Variants in ARHGEF10 observed in about 807,000 individuals in gnomAD.
The protein encoded by ARHGEF10 is Rho guanine nucleotide exchange factor (GEF) 10.
ARHGEF10 carries 140 observed loss-of-function variants against 147.4 expected under a neutral mutation model. The observed-to-expected ratio is 0.95, with a 90% CI of 0.83 to 1.09. The LOEUF (loss-of-function observed/expected upper bound fraction) is 1.09, where lower values mean the gene tolerates loss of function less well. Among genes scored for constraint, ARHGEF10 ranks in the 50% least tolerant of loss-of-function variants. The pLI is 0.00. For missense variants in ARHGEF10, 2,222 were observed against 1,752.7 expected, an observed-to-expected ratio of 1.27 and a Z score of -4.78; for synonymous variants, 902 against 695.8, an observed-to-expected ratio of 1.30 and a Z score of -4.67.
chr8:1,827,629 G>A (rs1189597084), intron 1 of ARHGEF10, among the ~76,000 whole-genome samples: 2 of 152,150 alleles, frequency 1.3e-5, no homozygotes, highest in Non-Finnish European at 1.5e-5. Context: ...TTTAAATCGT[G>A]GATTTTTCCT....
chr8:1,899,449 A>C lies in ARHGEF10; in HGVS notation c.1650+924A>C, dbSNP rs547174217. ...GATGAACTGGTGGAGTCATCGCCAG[A>C]AATGAACTGGCGCCTGGGAAATAGT... On this transcript the variant is annotated intron_variant, in intron 15 of 28. Coordinates refer to ENST00000349830, the MANE Select transcript of ARHGEF10 (RefSeq NM_014629.4). 2.0e-5 allele frequency among the ~76,000 whole-genome samples: 3 copies of C among 152,368 alleles called. No individual in the cohort carries two copies. The South Asian group carries it at 6.2e-4, about 32-fold the overall frequency.
intron 18 of ARHGEF10, among the ~76,000 whole-genome samples, chr8:1,922,222 C>T (rs1291410520): frequency 4.0e-5 from 6 of 151,338 alleles, no homozygotes; most frequent in Admixed American, 3.3e-4. Context: ...GGACACGCGT[C>T]GTTCCTCTAA....
intron 22 of ARHGEF10, 86 bp from the exon 23 acceptor site, chr8:1,926,291 G>T: frequency 9.3e-7 from 1 of 1,072,862 alleles, no homozygotes; most frequent in Non-Finnish European, 1.5e-6. Context: ...TACATTGGAA[G>T]TAAGTCATCC....
intron 28 of ARHGEF10, among the ~76,000 whole-genome samples, chr8:1,955,791 A>T (rs796655675): frequency 6.6e-6 from 1 of 152,250 alleles, no homozygotes; most frequent in Non-Finnish European, 1.5e-5. Context: ...CTCTGCTGAC[A>T]TGGGCAGAAG....
At chr8:1,863,572 T>C (rs1056787197) in intron 4 of ARHGEF10, among the ~76,000 whole-genome samples, 3 of 152,086 alleles carry the variant, frequency 2.0e-5, no homozygotes, top group Admixed American at 2.0e-4. Context: ...GGCTGGGCGG[T>C]GGCAGATTCG....
intron 28 of ARHGEF10, among the ~76,000 whole-genome samples, chr8:1,955,543 C>T (rs1221860316): frequency 2.0e-5 from 3 of 147,932 alleles, no homozygotes; most frequent in Non-Finnish European, 3.0e-5. Flanking sequence ...AAAGGAGGTG[C>T]ACTCTCACTG....
chr8:1,858,819 G>A (rs74612624), intron 3 of ARHGEF10: 2,975 of 92,368 alleles, frequency 0.032, 115 homozygotes, highest in African/African-American at 0.11. Flanking sequence ...TTCTTCAGGT[G>A]TAGTACCAGC....
chr8:1,944,610 C>G (rs904005697), intron 26 of ARHGEF10, among the ~76,000 whole-genome samples: 1 of 152,224 alleles, frequency 6.6e-6, no homozygotes, highest in Non-Finnish European at 1.5e-5. Context: ...AGATGTCAGT[C>G]TGGTTATTTC....
chr8:1,892,667 C>G (rs956348836), intron 11 of ARHGEF10, among the ~76,000 whole-genome samples: 2 of 143,152 alleles, frequency 1.4e-5, no homozygotes, highest in South Asian at 2.4e-4. Context: ...CTTCCGTGCG[C>G]GCACGTGTGT....
intron 28 of ARHGEF10, among the ~76,000 whole-genome samples, chr8:1,954,173 A>G (rs1261178764): frequency 1.3e-5 from 2 of 151,754 alleles, no homozygotes; most frequent in African/African-American, 2.4e-5. Context: ...GGCTCACTGC[A>G]CCCTCTGCCT....
intron 13 of ARHGEF10, 56 bp from the exon 14 acceptor site, chr8:1,896,277 G>T: frequency 8.1e-7 from 1 of 1,241,594 alleles, no homozygotes; most frequent in Non-Finnish European, 1.2e-6. Flanking sequence ...GTTTTATGTT[G>T]GAAAAGGGAT....
At chr8:1,889,415 C>G (rs1412574444) in intron 11 of ARHGEF10, among the ~76,000 whole-genome samples, 1 of 53,116 alleles carries the variant, frequency 1.9e-5, no homozygotes, top group Non-Finnish European at 3.2e-5. Context: ...TGAGGAGACA[C>G]TGAGTGGGGT....
chr8:1,871,094 T>C, intron 7 of ARHGEF10: 1 of 112,008 alleles, frequency 8.9e-6, no homozygotes, highest in East Asian at 3.1e-4. Flanking sequence ...GCCTGGGAAA[T>C]GAGTGAAAAC....
chr8:1,867,362 T>A (rs1252624539), intron 6 of ARHGEF10, among the ~76,000 whole-genome samples: 1 of 152,252 alleles, frequency 6.6e-6, no homozygotes, highest in Non-Finnish European at 1.5e-5. Flanking sequence ...ACGTGAATGA[T>A]TCGTGTTTAG....
intron 17 of ARHGEF10, among the ~76,000 whole-genome samples, chr8:1,908,015 A>C (rs1490984214): frequency 6.6e-6 from 1 of 152,132 alleles, no homozygotes; most frequent in Non-Finnish European, 1.5e-5. Context: ...GCACAGTCTA[A>C]TTCACGGAAC....
intron 27 of ARHGEF10, among the ~76,000 whole-genome samples, chr8:1,950,945 G>A (rs1033252356): frequency 2.0e-5 from 3 of 152,048 alleles, no homozygotes; most frequent in Admixed American, 6.5e-5. Context: ...CCGGGCCATC[G>A]TTTCAGTCAC....
At chr8:1,950,872 G>T (rs538668268) in intron 27 of ARHGEF10, among the ~76,000 whole-genome samples, 1 of 151,802 alleles carries the variant, frequency 6.6e-6, no homozygotes, top group Non-Finnish European at 1.5e-5. Flanking sequence ...GAGCCACTGC[G>T]CCCGGCCTAC....
rs1286035747 is a variant in ARHGEF10 at position 1,869,263 on chromosome 8, C to T, written c.679+13C>T. On this transcript the variant is annotated intron_variant, in intron 7 of 28. Transcript: ENST00000349830. ...GACTCTGAACCAGGTTTGATTTTGT[C>T]TGGAATTGATTTGAGGAGATTCAGC... The T allele has an allele frequency of 1.9e-6, 3 of 1,612,310 alleles. No homozygotes were observed. Among genetic ancestry groups the T allele is most frequent in the African/African-American group, 1.3e-5 (1 of 74,870 alleles).
At chr8:1,933,576 G>A (rs1292366835) in intron 25 of ARHGEF10, among the ~76,000 whole-genome samples, 1 of 151,368 alleles carries the variant, frequency 6.6e-6, no homozygotes, top group Non-Finnish European at 1.5e-5. Context: ...GGGTCTTGAG[G>A]GCTGCGTGTC....
Sources: gnomAD v4.1 joint callset for allele counts (sites outside exome capture counted in the v4.1 genomes callset) on GRCh38, gnomAD v4.1.1 for gene constraint, MANE v1.5 for transcripts, NCBI Gene and HGNC (gene_info 2026-07-23, HGNC 2026-07-21) for gene names.